The following MCF2L2 variants were observed in gnomAD, a reference collection of about 807,000 sequenced individuals.
MCF2L2 encodes probable guanine nucleotide exchange factor MCF2L2.
A neutral mutation model predicts 150.2 loss-of-function variants in MCF2L2; 102 were observed. The ratio of observed to expected loss-of-function variants is 0.68; its 90% confidence interval spans 0.58 to 0.80. The LOEUF (loss-of-function observed/expected upper bound fraction) is 0.80, where lower values mean the gene tolerates loss of function less well. Among genes scored for constraint, MCF2L2 ranks in the 30% least tolerant of loss-of-function variants. The pLI, the probability that MCF2L2 is intolerant of heterozygous loss-of-function variation, is 0.00. For synonymous variants in MCF2L2, 465 were observed against 491.3 expected (o/e 0.95, Z 0.71); for missense variants, 1,256 against 1,372.8 (o/e 0.91, Z 1.34).
intron 3 of MCF2L2, among the ~76,000 whole-genome samples, chr3:183,363,311 C>G (rs1448060258): frequency 6.6e-6 from 1 of 152,126 alleles, no homozygotes; most frequent in Non-Finnish European, 1.5e-5. Context: ...TAATTTTGCT[C>G]TTTAGTATTT....
intron 15 of MCF2L2, among the ~76,000 whole-genome samples, chr3:183,276,392 G>A (rs753720906): frequency 4.6e-5 from 7 of 152,184 alleles, no homozygotes; most frequent in Non-Finnish European, 8.8e-5. Context: ...TGGGGATTCT[G>A]AGTATAAATA....
In MCF2L2 at chr3:183,332,114, C is replaced by T. The variant is rs776616841; in HGVS notation, c.486+6686G>A. Among the ~76,000 whole-genome samples the T allele has an allele frequency of 2.6e-4, 40 of 152,254 alleles. No individual in the cohort carries two copies. In the Middle Eastern group the frequency reaches 0.014, roughly 52 times the overall value. ...AAAGTAAAGTGCTAATATCACAACACGTTTTAAAAATAAAGAAGATAAACT... is the reference window on the plus strand; with the variant it reads ...AAAGTAAAGTGCTAATATCACAACATGTTTTAAAAATAAAGAAGATAAACT... On this transcript the variant is annotated intron_variant, in intron 5 of 29. Coordinates refer to ENST00000328913, the MANE Select transcript of MCF2L2 (RefSeq NM_015078.4).
intron 3 of MCF2L2, among the ~76,000 whole-genome samples, chr3:183,364,299 A>G (rs776298141): frequency 7.2e-5 from 11 of 152,094 alleles, no homozygotes; most frequent in South Asian, 2.1e-4. Flanking sequence ...GGCGGATCAC[A>G]AGGTCAGGAG....
Position 183,179,441 on chromosome 3 carries a change from C to A in MCF2L2, c.3284G>T (p.Gly1095Val), listed in dbSNP as rs1420922248. ...CCTCGCCTGGAAACCAGCCGTCGCC[C>A]CCGCAGGAGCCAGCCGGCCCGTGGA... ...GASTGRLAPA[G>V]ATAGFQARAL... is the part of the protein sequence containing the mutation. Residue 1095 changes from glycine (G) to valine (V), a missense_variant, in exon 30 of 30, where the codon GGG becomes GTG. By Grantham distance (109) the Gly-to-Val change is moderately radical (BLOSUM62 -3). Coordinates refer to ENST00000328913, the MANE Select transcript of MCF2L2 (RefSeq NM_015078.4). The surrounding 1 kb of genome is among the most constrained non-coding windows in gnomAD (Gnocchi z 4.2). 1.3e-6 allele frequency: 2 copies of A among 1,584,244 alleles called. No homozygotes were observed. The highest frequency in any genetic ancestry group is 1.7e-6 in the Non-Finnish European group (2 of 1,164,364).
Position 183,321,600 on chromosome 3 carries a change from C to A in MCF2L2, c.603+1635G>T, listed in dbSNP as rs915784390. On this transcript the variant is annotated intron_variant, in intron 6 of 29. Transcript: ENST00000328913. Reference sequence around the variant, plus strand: ...AGACTTGTTCAACACAAAGTTGCCACGAAACTTCAATTTAAAAAAATTGCA... The same window carrying A: ...AGACTTGTTCAACACAAAGTTGCCAAGAAACTTCAATTTAAAAAAATTGCA... Among the ~76,000 whole-genome samples the A allele has an allele frequency of 2.0e-5, 3 of 152,140 alleles. 1 individual carries two copies. In the East Asian group the frequency reaches 5.8e-4, roughly 29 times the overall value.
chr3:183,326,536 CT>C (rs1730046747), intron 5 of MCF2L2, among the ~76,000 whole-genome samples: 1 of 148,510 alleles, frequency 6.7e-6, no homozygotes, highest in African/African-American at 2.5e-5. Context: ...ACCCACAAAC[CT>C]TTTTATCCTG....
chr3:183,343,903 G>A (rs570017154), intron 3 of MCF2L2, among the ~76,000 whole-genome samples: 9 of 152,114 alleles, frequency 5.9e-5, no homozygotes, highest in African/African-American at 2.2e-4. Context: ...AGGTGCAGTG[G>A]CTCACACCTG....
chr3:183,307,121 G>A (rs1729135468), intron 10 of MCF2L2, among the ~76,000 whole-genome samples: 1 of 152,226 alleles, frequency 6.6e-6, no homozygotes, highest in Non-Finnish European at 1.5e-5. Context: ...GGTTACTTGT[G>A]AGAATGATGT....
intron 5 of MCF2L2, among the ~76,000 whole-genome samples, chr3:183,328,447 G>C (rs1730139118): frequency 6.6e-6 from 1 of 151,696 alleles, no homozygotes; most frequent in Non-Finnish European, 1.5e-5. Flanking sequence ...GGGATCTGAT[G>C]CTAACTTCAG....
intron 25 of MCF2L2, among the ~76,000 whole-genome samples, chr3:183,199,706 T>C (rs756399907): frequency 8.6e-5 from 13 of 151,956 alleles, no homozygotes; most frequent in Non-Finnish European, 1.3e-4. Context: ...ATGTGCCATG[T>C]TGGTGTGCTG....
At chr3:183,346,428 A>G (rs1730899928) in intron 3 of MCF2L2, among the ~76,000 whole-genome samples, 1 of 152,230 alleles carries the variant, frequency 6.6e-6, no homozygotes, top group Non-Finnish European at 1.5e-5. Context: ...AATAAGAGCT[A>G]TTTATGACAA....
chr3:183,258,091 C>G (rs1466606904), intron 15 of MCF2L2, among the ~76,000 whole-genome samples: 1 of 151,418 alleles, frequency 6.6e-6, no homozygotes. Context: ...CTTCAGCCTC[C>G]CGAGTAGCTG....
At chr3:183,273,847 G>A (rs113195729) in intron 15 of MCF2L2, among the ~76,000 whole-genome samples, 651 of 152,292 alleles carry the variant, frequency 4.3e-3, no homozygotes, top group African/African-American at 0.015. Context: ...ATATCTAGGT[G>A]TCTAGTAGGC....
intron 18 of MCF2L2, chr3:183,224,867 C>G (rs9815371): frequency 0.51 from 78,218 of 152,268 alleles, 21,342 homozygotes; most frequent in East Asian, 0.7. Flanking sequence ...AACCTGTATT[C>G]TCATGGTATC....
At chr3:183,196,682 C>T (rs1279845515) in intron 25 of MCF2L2, among the ~76,000 whole-genome samples, 1 of 152,158 alleles carries the variant, frequency 6.6e-6, no homozygotes, top group East Asian at 1.9e-4. Flanking sequence ...GTGCACCAGG[C>T]TCAGGAGACT....
chr3:183,215,143 A>G (rs1722868339), intron 22 of MCF2L2, among the ~76,000 whole-genome samples: 1 of 152,158 alleles, frequency 6.6e-6, no homozygotes, highest in Non-Finnish European at 1.5e-5. Context: ...GACTCCAAAA[A>G]GGAAAGGAAA....
At chr3:183,191,222 G>A (rs1463176532) in intron 27 of MCF2L2, among the ~76,000 whole-genome samples, 2 of 152,086 alleles carry the variant, frequency 1.3e-5, no homozygotes, top group Non-Finnish European at 2.9e-5. Context: ...AAAACTGAGA[G>A]GAAGGTACAA....
At chr3:183,232,741 TACTC>T (rs1235112670) in intron 15 of MCF2L2, among the ~76,000 whole-genome samples, 1 of 152,008 alleles carries the variant, frequency 6.6e-6, no homozygotes, top group Admixed American at 6.6e-5. Context: ...GTGGAAAAAA[TACTC>T]AGTACATACA....
chr3:183,330,564 GTATCTTTATTGTGGTGACTGGA>G (rs1730231744), intron 5 of MCF2L2, among the ~76,000 whole-genome samples: 1 of 152,064 alleles, frequency 6.6e-6, no homozygotes, highest in African/African-American at 2.4e-5. Context: ...GGGCTGTTCT[GTATCTTTATTGTGGTGACTGGA>G]TAACACCACG....
Sources: allele counts gnomAD v4.1 joint callset (sites outside exome capture counted in the v4.1 genomes callset), GRCh38; gene constraint gnomAD v4.1.1; non-coding constraint Gnocchi (gnomAD v3.1); transcripts MANE v1.5; gene names NCBI Gene and HGNC (gene_info 2026-07-23, HGNC 2026-07-21).